The following DNAJC3 variants were observed in gnomAD, a reference collection of about 807,000 sequenced individuals.
DNAJC3 encodes the protein dnaJ homolog subfamily C member 3.
A neutral mutation model predicts 68.6 loss-of-function variants in DNAJC3; 38 were observed. The observed-to-expected ratio is 0.55, with a 90% CI of 0.43 to 0.73. DNAJC3 has a LOEUF of 0.73. Ranked by LOEUF, DNAJC3 falls within the 30% of genes least tolerant of loss-of-function variation. The probability of loss-of-function intolerance (pLI) is 0.00; values close to 1 mark genes in which losing one functional copy is unlikely to be tolerated. For missense variants in DNAJC3, 526 were observed against 591.9 expected (o/e 0.89, Z 1.16); for synonymous variants, 203 against 204.0 (o/e 1.00, Z 0.04).
Position 95,735,991 on chromosome 13 carries a change from T to C in DNAJC3, c.393+10739T>C, listed in dbSNP as rs1881902587. On this transcript the variant is annotated intron_variant, in intron 4 of 11. Coordinates refer to ENST00000602402, the MANE Select transcript of DNAJC3 (RefSeq NM_006260.5). The stretch of plus-strand genomic sequence containing the variant: ...AAGTCTTTAATCCATCTTGAATTGA[T>C]TTTTGTATAAGGTGTAAGGAAGGGA... Among the ~76,000 whole-genome samples the C allele has an allele frequency of 5.9e-5, 9 of 152,336 alleles. No individual in the cohort carries two copies. In the South Asian group the frequency reaches 1.9e-3, roughly 32 times the overall value.
intron 9 of DNAJC3, among the ~76,000 whole-genome samples, chr13:95,775,406 T>C (rs985517633): frequency 2.6e-5 from 4 of 152,228 alleles, no homozygotes; most frequent in Non-Finnish European, 4.4e-5. Context: ...CTAGTTCCTT[T>C]TGTTCTTTCT....
chr13:95,717,571 C>G (rs1881191441), intron 2 of DNAJC3, among the ~76,000 whole-genome samples: 1 of 152,100 alleles, frequency 6.6e-6, no homozygotes, highest in South Asian at 2.1e-4. Context: ...GGCTGTGTCC[C>G]CACCCAAATC....
Position 95,677,145 on chromosome 13 carries a change from A to C in DNAJC3, c.-111A>C. 1 of 932,442 alleles carries C rather than the reference A, an allele frequency of 1.1e-6. No homozygotes were observed. The highest frequency in any genetic ancestry group is 1.6e-5 in the South Asian group (1 of 61,302). 57.8% of individuals were successfully genotyped at this position (932,442 alleles called of 1,614,324 possible). The stretch of plus-strand genomic sequence containing the variant: ...CCTTCCTCTGCTGGGCTCCAGAGCC[A>C]CTGAGGCCTGAGCGAGAGCCGACGG... On this transcript the variant is annotated 5_prime_UTR_variant, in exon 1 of 12. Transcript: ENST00000602402.
chr13:95,739,192 C>T (rs917381330), intron 4 of DNAJC3, among the ~76,000 whole-genome samples: 22 of 152,136 alleles, frequency 1.4e-4, no homozygotes, highest in South Asian at 2.1e-4. Context: ...CTGAGAGATC[C>T]GCTATTAGTC....
chr13:95,680,706 AG>A (rs1468813907), intron 1 of DNAJC3, among the ~76,000 whole-genome samples: 1 of 152,132 alleles, frequency 6.6e-6, no homozygotes, highest in African/African-American at 2.4e-5. Context: ...TTGTTCTGGG[AG>A]GGGATGCACT....
At chr13:95,775,314 T>G (rs1185358978) in intron 9 of DNAJC3, among the ~76,000 whole-genome samples, 2 of 152,244 alleles carry the variant, frequency 1.3e-5, no homozygotes, top group Non-Finnish European at 2.9e-5. Context: ...AAAATATGTC[T>G]TCCTCTAGCT....
chr13:95,773,416 C>T (rs1319564496), intron 9 of DNAJC3, among the ~76,000 whole-genome samples: 2 of 151,890 alleles, frequency 1.3e-5, no homozygotes, highest in African/African-American at 4.8e-5. Flanking sequence ...AGTGATCTGC[C>T]CACCTAGGCC....
Position 95,757,813 on chromosome 13 carries a change from C to A in DNAJC3, c.546+17C>A. ...ATTTTAGAGGTAAGTTTCTTAGATA[C>A]TGCAGTTGACCAGCCTGACACTTAT... On this transcript the variant is annotated intron_variant, in intron 5 of 11. Transcript: ENST00000602402. The A allele has an allele frequency of 6.6e-7, 1 of 1,526,714 alleles. No homozygotes were observed. Among genetic ancestry groups the A allele is most frequent in the Non-Finnish European group, 8.9e-7 (1 of 1,119,318 alleles). The allele number at this position is 1,526,714 out of a possible 1,614,324, so 94.6% of individuals were successfully genotyped here.
chr13:95,738,670 G>T (rs58377734), intron 4 of DNAJC3, among the ~76,000 whole-genome samples: 5,956 of 151,842 alleles, frequency 0.039, 257 homozygotes, highest in African/African-American at 0.1. Context: ...GTTTTCCATT[G>T]GCTTGGTAGA....
At chr13:95,767,107 G>A (rs910031940) in intron 9 of DNAJC3, among the ~76,000 whole-genome samples, 1 of 152,066 alleles carries the variant, frequency 6.6e-6, no homozygotes, top group African/African-American at 2.4e-5. Context: ...TGCTCACATT[G>A]CTGTGAAAAA....
At chr13:95,709,528 CAT>C (rs1427656921) in intron 2 of DNAJC3, among the ~76,000 whole-genome samples, 191 bp downstream of exon 2, 26 of 151,484 alleles carry the variant, frequency 1.7e-4, no homozygotes, top group Admixed American at 1.6e-3. Flanking sequence ...GTGCATCTAA[CAT>C]GAGAGAAGTT....
At chr13:95,698,461 C>T (rs944507128) in intron 1 of DNAJC3, among the ~76,000 whole-genome samples, 7 of 152,170 alleles carry the variant, frequency 4.6e-5, no homozygotes, top group African/African-American at 1.7e-4. Context: ...TAAGCATAGG[C>T]ACTAGTCCTG....
At chr13:95,779,389 G>A (rs1457190538) in intron 9 of DNAJC3, among the ~76,000 whole-genome samples, 3 of 152,082 alleles carry the variant, frequency 2.0e-5, no homozygotes, top group Non-Finnish European at 4.4e-5. Flanking sequence ...CTCCCAAAGT[G>A]CTGGGATTAC....
At chr13:95,742,478 G>C (rs1882175020) in intron 4 of DNAJC3, among the ~76,000 whole-genome samples, 1 of 152,152 alleles carries the variant, frequency 6.6e-6, no homozygotes, top group Non-Finnish European at 1.5e-5. Flanking sequence ...GGCCCACAAG[G>C]GTTGAGAGGA....
chr13:95,790,586 G>T (rs1883738469), intron 11 of DNAJC3, among the ~76,000 whole-genome samples: 2 of 152,168 alleles, frequency 1.3e-5, no homozygotes, highest in African/African-American at 4.8e-5. Context: ...TCATTGGGTA[G>T]TTATCAAGCT....
intron 9 of DNAJC3, among the ~76,000 whole-genome samples, chr13:95,784,536 T>C (rs1883540364): frequency 6.6e-6 from 1 of 152,192 alleles, no homozygotes; most frequent in South Asian, 2.1e-4. Flanking sequence ...CAGAGTTTTT[T>C]TGGGGAACTA....
Position 95,702,847 on chromosome 13 carries a change from A to G in DNAJC3, c.83-6380A>G, listed in dbSNP as rs577358407. Among the ~76,000 whole-genome samples the G allele has an allele frequency of 6.6e-5, 10 of 152,360 alleles. No homozygotes were observed. In the South Asian group the frequency reaches 1.4e-3, roughly 22 times the overall value. ...GAAATTCTTACCCATACCCTAATGG[A>G]GAAGACTCCTGGTTCCATCAGTCAC... On this transcript the variant is annotated intron_variant, in intron 1 of 11. Coordinates refer to ENST00000602402, the MANE Select transcript of DNAJC3 (RefSeq NM_006260.5).
intron 4 of DNAJC3, among the ~76,000 whole-genome samples, chr13:95,756,936 C>G (rs1384998317): frequency 6.6e-6 from 1 of 152,064 alleles, no homozygotes; most frequent in African/African-American, 2.4e-5. Flanking sequence ...TGGTCTAAAA[C>G]TGTGGTGATG....
intron 4 of DNAJC3, among the ~76,000 whole-genome samples, chr13:95,744,126 C>G (rs997250967): frequency 6.6e-6 from 1 of 152,066 alleles, no homozygotes; most frequent in Non-Finnish European, 1.5e-5. Context: ...GTTGAGGTCT[C>G]CTTCAGTATT....
Sources: allele counts gnomAD v4.1 joint callset (sites outside exome capture counted in the v4.1 genomes callset), GRCh38; gene constraint gnomAD v4.1.1; transcripts MANE v1.5; gene names NCBI Gene and HGNC (gene_info 2026-07-23, HGNC 2026-07-21).